CCDC81: variants seen among roughly 807,000 people sequenced by gnomAD.
CCDC81 encodes the protein coiled-coil domain-containing protein 81.
A neutral mutation model predicts 83.7 loss-of-function variants in CCDC81; 79 were observed. The observed-to-expected ratio is 0.94, with a 90% CI of 0.79 to 1.14. The LOEUF is 1.14. CCDC81 is among the 50% of genes most tolerant of loss of function. CCDC81 has a pLI of 0.00. For synonymous variants in CCDC81, 252 were observed against 278.1 expected (o/e 0.91, Z 0.93); for missense variants, 791 against 778.1 (o/e 1.02, Z -0.20).
At chr11:86,415,340 T>A in intron 13 of CCDC81, 27 bp downstream of exon 13, 1 of 1,561,492 alleles carries the variant, frequency 6.4e-7, no homozygotes, top group Non-Finnish European at 8.8e-7. Context: ...TCTTTCTCCC[T>A]CCACTTCTCC....
chr11:86,414,597 G>A (rs1230078594), intron 11 of CCDC81, 192 bp from the exon 12 acceptor site: 6 of 552,814 alleles, frequency 1.1e-5, no homozygotes, highest in Non-Finnish European at 1.9e-5. Context: ...ATGAGCCACT[G>A]TGCCTGGCCG....
At chr11:86,387,163 C>T (rs1204297398) in intron 2 of CCDC81, among the ~76,000 whole-genome samples, 4 of 152,160 alleles carry the variant, frequency 2.6e-5, no homozygotes, top group Non-Finnish European at 5.9e-5. Flanking sequence ...TCTTAAATTC[C>T]TCTAATGGCA....
At chr11:86,404,433 C>T (rs901853306) in intron 7 of CCDC81, among the ~76,000 whole-genome samples, 4 of 152,184 alleles carry the variant, frequency 2.6e-5, no homozygotes, top group African/African-American at 9.7e-5. Flanking sequence ...AAAACATTCA[C>T]TCTCTGGCTG....
chr11:86,415,094 T>G lies in CCDC81; in HGVS notation c.1472T>G (p.Ile491Arg). Residue 491 changes from isoleucine (I) to arginine (R), a missense_variant and splice_region_variant, in exon 13 of 15, where the codon ATA becomes AGA. Coordinates refer to ENST00000445632, the MANE Select transcript of CCDC81 (RefSeq NM_001156474.2). ...QCYKRALDAQ[I>R]KNKPSRLPPF... ...GCATTATGTGTATCTCTGTTTAAGA[T>G]AAAGAACAAACCCTCTCGGCTGCCC... 6.2e-7 allele frequency: 1 copy of G among 1,614,108 alleles called. No individual in the cohort carries two copies.
chr11:86,404,565 A>C (rs1367120720), intron 7 of CCDC81, among the ~76,000 whole-genome samples: 2 of 152,224 alleles, frequency 1.3e-5, no homozygotes, highest in African/African-American at 4.8e-5. Context: ...CAAAGACCAC[A>C]TGGAAATAAG....
chr11:86,387,032 A>G lies in CCDC81; in HGVS notation c.142-484A>G, dbSNP rs577615649. ...GAAACCCAGTATGAGAGGCAAAAAC[A>G]TTTGCTTCTACTCATCAGCCAGGAT... On this transcript the variant is annotated intron_variant, in intron 2 of 14. Transcript: ENST00000445632. Among the ~76,000 whole-genome samples the G allele has an allele frequency of 7.2e-5, 11 of 152,280 alleles. No individual in the cohort carries two copies. The East Asian group carries it at 9.7e-4, about 13-fold the overall frequency.
chr11:86,418,570 C>T (rs1356247663), intron 13 of CCDC81, among the ~76,000 whole-genome samples: 1 of 152,202 alleles, frequency 6.6e-6, no homozygotes. Flanking sequence ...ACATGCTACA[C>T]TGTGGATGAC....
At chr11:86,399,302 T>G (rs186924427) in intron 6 of CCDC81, among the ~76,000 whole-genome samples, 4 of 152,254 alleles carry the variant, frequency 2.6e-5, no homozygotes, top group Admixed American at 2.6e-4. Context: ...GACCCCTTTT[T>G]TGGGAAAAAT....
rs571381184 is a variant in CCDC81, at chr11:86,385,300, G to A, written c.80-751G>A. 2.0e-4 allele frequency among the ~76,000 whole-genome samples: 31 copies of A among 152,166 alleles called. No individual in the cohort carries two copies. The East Asian group carries it at 5.0e-3, about 25-fold the overall frequency. On this transcript the variant is annotated intron_variant, in intron 1 of 14. Coordinates refer to ENST00000445632, the MANE Select transcript of CCDC81 (RefSeq NM_001156474.2). ...CTCGGGAGGCTGAGGCAGGAGACTC[G>A]TTTGAACCCGGGAGGCGGAGGTTGC...
At chr11:86,412,634 A>C (rs890083386) in intron 11 of CCDC81, 75 bp downstream of exon 11, 8 of 1,310,820 alleles carry the variant, frequency 6.1e-6, no homozygotes, top group Non-Finnish European at 8.4e-6. Flanking sequence ...GTAGGATTGA[A>C]TCAGCATTGG....
intron 1 of CCDC81, among the ~76,000 whole-genome samples, chr11:86,380,065 G>T (rs1209452049): frequency 2.0e-5 from 3 of 146,342 alleles, no homozygotes; most frequent in Admixed American, 6.8e-5. Context: ...TTTAAATGCA[G>T]ATCCAAGTTT....
chr11:86,418,146 A>G (rs1785258867), intron 13 of CCDC81, among the ~76,000 whole-genome samples: 1 of 152,238 alleles, frequency 6.6e-6, no homozygotes, highest in South Asian at 2.1e-4. Flanking sequence ...TTATTATGAA[A>G]GTGCAAACCA....
At chr11:86,392,366 TA>T (rs1290584403) in intron 3 of CCDC81, among the ~76,000 whole-genome samples, 174 bp from the exon 4 acceptor site, 9 of 152,224 alleles carry the variant, frequency 5.9e-5, no homozygotes, top group Non-Finnish European at 1.2e-4. Flanking sequence ...AATATGTTAG[TA>T]ACTACTTAAT....
intron 3 of CCDC81, among the ~76,000 whole-genome samples, chr11:86,391,747 G>A (rs1948332187): frequency 6.6e-6 from 1 of 152,174 alleles, no homozygotes; most frequent in Non-Finnish European, 1.5e-5. Flanking sequence ...GAGGAGATAG[G>A]CAAATGTATC....
At chr11:86,400,569 AAAGAT>A in intron 6 of CCDC81, 104 bp from the exon 7 acceptor site, 2 of 1,101,062 alleles carry the variant, frequency 1.8e-6, no homozygotes, top group Admixed American at 2.4e-5. Context: ...GTGATTATTT[AAAGAT>A]AAGAGAGTGT....
intron 4 of CCDC81, 96 bp downstream of exon 4, chr11:86,392,893 A>G: frequency 7.4e-7 from 1 of 1,344,202 alleles, no homozygotes; most frequent in South Asian, 1.6e-5. Flanking sequence ...AGGTTGACAT[A>G]TTTTGAGTGA....
At chr11:86,403,150 G>T (rs575629399) in intron 7 of CCDC81, among the ~76,000 whole-genome samples, 15 of 149,580 alleles carry the variant, frequency 1.0e-4, no homozygotes, top group African/African-American at 3.4e-4. Flanking sequence ...CACCACACCT[G>T]GCCTGCATTT....
intron 10 of CCDC81, among the ~76,000 whole-genome samples, chr11:86,411,285 C>T (rs142500036): frequency 1.8e-4 from 27 of 152,222 alleles, no homozygotes; most frequent in African/African-American, 4.3e-4. Flanking sequence ...AGTGTCTTTG[C>T]GCTTAATGTT....
At chr11:86,396,319 T>C (rs1272720480) in intron 5 of CCDC81, among the ~76,000 whole-genome samples, 3 of 152,232 alleles carry the variant, frequency 2.0e-5, no homozygotes. Context: ...CATGGTGCAC[T>C]ATTGAGAACA....
Sources: allele counts gnomAD v4.1 joint callset (sites outside exome capture counted in the v4.1 genomes callset), GRCh38; gene constraint gnomAD v4.1.1; transcripts MANE v1.5; gene names NCBI Gene and HGNC (gene_info 2026-07-23, HGNC 2026-07-21).